Variants in PRR16 observed in about 807,000 individuals in gnomAD.
The protein encoded by PRR16 is protein Largen.
Under a neutral mutation model 18.2 loss-of-function variants are expected in PRR16, and 6 were observed. The ratio of observed to expected loss-of-function variants is 0.33; its 90% CI spans 0.18 to 0.65. PRR16 has a LOEUF of 0.65. Among genes scored for constraint, PRR16 ranks in the 30% least tolerant of loss-of-function variants. The pLI, the probability that PRR16 is intolerant of heterozygous loss-of-function variation, is 0.74. For missense variants in PRR16, 412 were observed against 376.6 expected (o/e 1.09, Z -0.78); for synonymous variants, 151 against 147.8 (o/e 1.02, Z -0.16).
At chr5:120,746,854 A>C in the PRR16 span, among the ~76,000 whole-genome samples, 2 of 152,174 alleles carry the variant, frequency 1.3e-5, no homozygotes, top group Admixed American at 6.5e-5. Flanking sequence ...AAATGAAAAC[A>C]AATTATGTTC....
chr5:120,687,854 T>A (rs756846719), downstream of PRR16, among the ~76,000 whole-genome samples: 2 of 152,176 alleles, frequency 1.3e-5, no homozygotes, highest in Non-Finnish European at 2.9e-5. Context: ...CTTAACAAAC[T>A]TTACCCACCC....
the PRR16 span, chr5:120,790,412 G>A: frequency 2.0e-5 from 3 of 152,190 alleles, no homozygotes; most frequent in East Asian, 1.9e-4. Context: ...AGTACAGAGA[G>A]ATGAGGTACC....
intron 1 of PRR16, among the ~76,000 whole-genome samples, chr5:120,563,149 A>G (rs1348295709): frequency 6.6e-6 from 1 of 152,114 alleles, no homozygotes; most frequent in East Asian, 1.9e-4. Flanking sequence ...TGCCAGCTAT[A>G]TTATTCTATG....
the PRR16 span, among the ~76,000 whole-genome samples, chr5:120,775,796 ATTTTTTTTTTTT>A: frequency 1.2e-5 from 1 of 80,618 alleles, no homozygotes; most frequent in Non-Finnish European, 2.5e-5. Context: ...ACGCCTGGCT[ATTTTTTTTTTTT>A]TTTTTTTTTT....
chr5:120,607,943 C>G (rs1023517162), intron 1 of PRR16, among the ~76,000 whole-genome samples: 1 of 152,006 alleles, frequency 6.6e-6, no homozygotes, highest in African/African-American at 2.4e-5. Flanking sequence ...GAGTTCTACT[C>G]TTTTATATCT....
chr5:120,733,294 G>A, the PRR16 span, among the ~76,000 whole-genome samples: 2 of 152,036 alleles, frequency 1.3e-5, no homozygotes, highest in African/African-American at 2.4e-5. Context: ...GGAACTACAG[G>A]AGTGTGCCAT....
At chr5:120,765,108 A>C in the PRR16 span, among the ~76,000 whole-genome samples, 31 of 152,212 alleles carry the variant, frequency 2.0e-4, no homozygotes, top group African/African-American at 7.5e-4. Context: ...TGTTCTACTT[A>C]TAACACCATA....
intron 1 of PRR16, among the ~76,000 whole-genome samples, chr5:120,551,331 T>G (rs976199680): frequency 1.3e-5 from 2 of 152,010 alleles, no homozygotes; most frequent in Non-Finnish European, 2.9e-5. Context: ...TGTTTCTTCT[T>G]TTAAAAGACA....
chr5:120,567,771 A>G (rs1281637952), intron 1 of PRR16, among the ~76,000 whole-genome samples: 1 of 152,146 alleles, frequency 6.6e-6, no homozygotes, highest in East Asian at 1.9e-4. Flanking sequence ...AAGTTTCTTC[A>G]GGCCTCCCCA....
intron 1 of PRR16, among the ~76,000 whole-genome samples, chr5:120,509,843 G>A (rs996713074): frequency 6.6e-6 from 1 of 152,044 alleles, no homozygotes; most frequent in Admixed American, 6.6e-5. Flanking sequence ...TTGGAATTTT[G>A]TGTCAGCATT....
chr5:120,538,422 G>C (rs1405556222), intron 1 of PRR16, among the ~76,000 whole-genome samples: 1 of 152,152 alleles, frequency 6.6e-6, no homozygotes, highest in African/African-American at 2.4e-5. Context: ...AGGAACAACA[G>C]TCATCTATAA....
chr5:120,756,017 C>T, the PRR16 span, among the ~76,000 whole-genome samples: 1 of 152,224 alleles, frequency 6.6e-6, no homozygotes, highest in African/African-American at 2.4e-5. Flanking sequence ...AAGGAATGAC[C>T]TGCAACTAGT....
In PRR16 at chr5:120,585,076, A is replaced by G. The variant is rs1032769054; in HGVS notation, c.160-100878A>G. Among the ~76,000 whole-genome samples the G allele has an allele frequency of 3.9e-5, 6 of 152,240 alleles. No individual in the cohort carries two copies. In the South Asian group the frequency reaches 1.2e-3, roughly 31 times the overall value. On this transcript the variant is annotated intron_variant, in intron 1 of 1. Transcript: ENST00000407149. ...AAATATTTGCCCTTCCACCTTGGGAAAGACTCAATTGTTAAAACAGCTTTA... is the reference window on the plus strand; with the variant it reads ...AAATATTTGCCCTTCCACCTTGGGAGAGACTCAATTGTTAAAACAGCTTTA...
chr5:120,534,726 A>C (rs1239249469), intron 1 of PRR16, among the ~76,000 whole-genome samples: 1 of 152,210 alleles, frequency 6.6e-6, no homozygotes, highest in African/African-American at 2.4e-5. Flanking sequence ...AGATTGTCTT[A>C]AAACAGATCT....
chr5:120,502,900 C>A (rs1226293028), intron 1 of PRR16, among the ~76,000 whole-genome samples: 2 of 152,124 alleles, frequency 1.3e-5, no homozygotes, highest in African/African-American at 4.8e-5. Context: ...TTTTAGGAGG[C>A]AAATGAGCTC....
chr5:120,552,934 A>G (rs1752299600), intron 1 of PRR16, among the ~76,000 whole-genome samples: 1 of 151,888 alleles, frequency 6.6e-6, no homozygotes, highest in African/African-American at 2.4e-5. Flanking sequence ...TTACCTCTGC[A>G]ACTAACCAGT....
intron 1 of PRR16, among the ~76,000 whole-genome samples, chr5:120,643,097 A>G (rs944320072): frequency 6.6e-6 from 1 of 152,046 alleles, no homozygotes; most frequent in East Asian, 1.9e-4. Flanking sequence ...ACATAGTGAT[A>G]TGGGCCTTCA....
the PRR16 span, among the ~76,000 whole-genome samples, chr5:120,708,334 TAAATC>T: frequency 2.6e-5 from 4 of 152,234 alleles, no homozygotes; most frequent in African/African-American, 7.2e-5. Flanking sequence ...CTTTAAAAGT[TAAATC>T]AAATGTTCTA....
At chr5:120,505,180 G>T (rs1350023118) in intron 1 of PRR16, among the ~76,000 whole-genome samples, 4 of 152,088 alleles carry the variant, frequency 2.6e-5, no homozygotes, top group Non-Finnish European at 5.9e-5. Flanking sequence ...GAAATGAGTT[G>T]CAGGATAATA....
Sources: gnomAD v4.1 joint callset for allele counts (sites outside exome capture counted in the v4.1 genomes callset) on GRCh38, gnomAD v4.1.1 for gene constraint, MANE v1.5 for transcripts, NCBI Gene and HGNC (gene_info 2026-07-23, HGNC 2026-07-21) for gene names.